Variants in CACNA2D3 observed in about 807,000 individuals in gnomAD.
The protein encoded by CACNA2D3 is voltage-dependent calcium channel subunit alpha-2/delta-3.
In CACNA2D3, 60 loss-of-function variants were observed where a neutral mutation model predicts 160.6. The observed-to-expected ratio is 0.37, with a 90% CI of 0.30 to 0.46. CACNA2D3 has a LOEUF of 0.46. Among genes scored for constraint, CACNA2D3 ranks in the 20% least tolerant of loss-of-function variants. The pLI, the probability that CACNA2D3 is intolerant of heterozygous loss-of-function variation, is 1.00. For synonymous variants in CACNA2D3, 558 were observed against 492.9 expected (o/e 1.13, Z -1.75); for missense variants, 1,205 against 1,365.0 (o/e 0.88, Z 1.85).
intron 9 of CACNA2D3, among the ~76,000 whole-genome samples, chr3:54,582,367 T>C (rs963240331): frequency 6.6e-6 from 1 of 152,196 alleles, no homozygotes; most frequent in Non-Finnish European, 1.5e-5. Flanking sequence ...GTTCCATTAA[T>C]ATTGTGGAAC....
At chr3:54,262,333 G>A (rs1297162302) in intron 2 of CACNA2D3, among the ~76,000 whole-genome samples, 2 of 152,094 alleles carry the variant, frequency 1.3e-5, no homozygotes, top group Non-Finnish European at 2.9e-5. Flanking sequence ...AAACAACATT[G>A]AGGCACAGAG....
intron 2 of CACNA2D3, among the ~76,000 whole-genome samples, chr3:54,265,186 T>A (rs955400066): frequency 3.9e-5 from 6 of 152,214 alleles, no homozygotes; most frequent in Non-Finnish European, 8.8e-5. Flanking sequence ...GTTGAACTAA[T>A]TTACACTCCC....
intron 2 of CACNA2D3, among the ~76,000 whole-genome samples, chr3:54,214,439 C>G (rs1701427365): frequency 6.6e-6 from 1 of 152,152 alleles, no homozygotes; most frequent in East Asian, 1.9e-4. Flanking sequence ...GCCCCTTCTC[C>G]CTGGTCCCTA....
intron 24 of CACNA2D3, 23 bp from the exon 25 acceptor site, chr3:54,891,332 T>G: frequency 6.3e-7 from 1 of 1,578,726 alleles, no homozygotes; most frequent in Non-Finnish European, 8.7e-7. Flanking sequence ...GGCCTCCCCC[T>G]GACGTCTGTT....
chr3:54,725,064 A>G (rs997834496), intron 11 of CACNA2D3, among the ~76,000 whole-genome samples: 1 of 152,218 alleles, frequency 6.6e-6, no homozygotes, highest in Non-Finnish European at 1.5e-5. Flanking sequence ...GATGCAATAA[A>G]AAATGATATA....
Position 55,045,179 on chromosome 3 carries a change from G to A in CACNA2D3, c.2987+26862G>A, listed in dbSNP as rs541166629. 3.0e-3 allele frequency among the ~76,000 whole-genome samples: 455 copies of A among 152,256 alleles called. 2 individuals carry two copies. Among genetic ancestry groups the A allele is most frequent in the African/African-American group, 0.01 (424 of 41,538 alleles). On this transcript the variant is annotated intron_variant, in intron 35 of 37. Transcript: ENST00000474759. Reference sequence around the variant, plus strand: ...TTCTCCTGCTTCAGCCTCCCAAGTAGCTGTGATGACAGGTGCCTGCCACCA... The same window carrying A: ...TTCTCCTGCTTCAGCCTCCCAAGTAACTGTGATGACAGGTGCCTGCCACCA...
At position 54,123,578 on chromosome 3, in the gene CACNA2D3, C is replaced by T. The variant is rs1014738187; in HGVS notation, c.188C>T (p.Ser63Phe). 3.1e-6 allele frequency: 5 copies of T among 1,613,534 alleles called. No homozygotes were observed. In the African/African-American group the frequency reaches 6.7e-5, roughly 22 times the overall value. The change falls in exon 2 of 38, where the codon TCC (serine) becomes TTC (phenylalanine). Residue 63 changes from serine (S) to phenylalanine (F), a missense_variant. By Grantham distance (155) the Ser-to-Phe change is radical. Around this residue, in one of 3 missense-constraint regions of CACNA2D3, gnomAD observed 163 missense variants for 161.3 expected, o/e 1.01. Coordinates refer to ENST00000474759, the MANE Select transcript of CACNA2D3 (RefSeq NM_018398.3). Reference sequence around the variant, plus strand: ...TCCATTGCTGCTAAGTACTCCGGTTCCCAGCTTCTGCAAAAGGTAAGGTTT... The same window carrying T: ...TCCATTGCTGCTAAGTACTCCGGTTTCCAGCTTCTGCAAAAGGTAAGGTTT... ...IKSIAAKYSG[S>F]QLLQKKYKEY... is the part of the protein sequence containing the mutation.
chr3:55,071,433 A>C (rs1704804556), intron 35 of CACNA2D3, among the ~76,000 whole-genome samples: 1 of 152,166 alleles, frequency 6.6e-6, no homozygotes, highest in African/African-American at 2.4e-5. Flanking sequence ...AATACTTTTT[A>C]ATATTTTTCA....
At chr3:54,478,847 A>G (rs893944682) in intron 4 of CACNA2D3, among the ~76,000 whole-genome samples, 2 of 150,040 alleles carry the variant, frequency 1.3e-5, no homozygotes, top group Admixed American at 1.3e-4. Flanking sequence ...CCCTTATTTT[A>G]CTTAATAATG....
At chr3:54,735,671 T>C (rs1275442992) in intron 11 of CACNA2D3, among the ~76,000 whole-genome samples, 1 of 152,078 alleles carries the variant, frequency 6.6e-6, no homozygotes, top group African/African-American at 2.4e-5. Context: ...ACTTAAGACA[T>C]GCATGATGTG....
chr3:54,266,192 G>C (rs1013541531), intron 2 of CACNA2D3, among the ~76,000 whole-genome samples: 1 of 152,170 alleles, frequency 6.6e-6, no homozygotes, highest in Non-Finnish European at 1.5e-5. Context: ...AAGTCCTTTA[G>C]CCATCTCCAC....
intron 17 of CACNA2D3, among the ~76,000 whole-genome samples, chr3:54,868,078 A>C (rs1168222231): frequency 6.6e-6 from 1 of 152,170 alleles, no homozygotes; most frequent in Non-Finnish European, 1.5e-5. Context: ...TGGCCTTTTA[A>C]TGTAGTTTCT....
chr3:54,749,494 C>A (rs559577168), intron 11 of CACNA2D3, among the ~76,000 whole-genome samples: 1 of 152,236 alleles, frequency 6.6e-6, no homozygotes, highest in Non-Finnish European at 1.5e-5. Flanking sequence ...ACCTCTTAGT[C>A]CCCATAAGCA....
At chr3:54,922,583 A>G (rs2106934515) in intron 27 of CACNA2D3, among the ~76,000 whole-genome samples, 1 of 152,274 alleles carries the variant, frequency 6.6e-6, no homozygotes, top group Admixed American at 6.5e-5. Context: ...TCAATATCGT[A>G]CGTTTTAACC....
chr3:54,878,879 G>T, intron 18 of CACNA2D3, 139 bp from the exon 19 acceptor site: 1 of 534,978 alleles, frequency 1.9e-6, no homozygotes, highest in Non-Finnish European at 3.3e-6. Context: ...ATGAGCAGTT[G>T]GGTGTTTTAT....
chr3:54,354,462 T>A lies in CACNA2D3; in HGVS notation c.322-32253T>A, dbSNP rs545754244. Among the ~76,000 whole-genome samples the A allele has an allele frequency of 2.1e-4, 32 of 152,000 alleles. No homozygotes were observed. The East Asian group carries it at 3.5e-3, about 17-fold the overall frequency. ...AAAAGGAAAAAATGCAAGTATAATT[T>A]AAAAAAAATGACAAACAGTGCTGTG... On this transcript the variant is annotated intron_variant, in intron 3 of 37. Transcript: ENST00000474759.
intron 11 of CACNA2D3, among the ~76,000 whole-genome samples, chr3:54,643,369 T>C (rs1392628724): frequency 1.3e-5 from 2 of 152,210 alleles, no homozygotes; most frequent in Non-Finnish European, 2.9e-5. Flanking sequence ...AGTGTGAGCC[T>C]GGTCTTTAAG....
intron 13 of CACNA2D3, among the ~76,000 whole-genome samples, chr3:54,771,328 C>T (rs894591295): frequency 1.3e-5 from 2 of 152,158 alleles, no homozygotes; most frequent in African/African-American, 2.4e-5. Flanking sequence ...TTAAACAGCA[C>T]AAGTGTATCA....
intron 13 of CACNA2D3, among the ~76,000 whole-genome samples, chr3:54,797,012 T>C (rs1702878993): frequency 6.6e-6 from 1 of 152,150 alleles, no homozygotes; most frequent in Non-Finnish European, 1.5e-5. Flanking sequence ...AGCCACTTAG[T>C]TAGAGCAGAC....
Sources: allele counts gnomAD v4.1 joint callset (sites outside exome capture counted in the v4.1 genomes callset), GRCh38; gene constraint gnomAD v4.1.1; regional missense constraint gnomAD v4.1.1; transcripts MANE v1.5; gene names NCBI Gene and HGNC (gene_info 2026-07-23, HGNC 2026-07-21).